SULF2: variants seen among roughly 807,000 people sequenced by gnomAD.
SULF2 encodes the protein sulfatase 2.
SULF2 carries 52 observed loss-of-function variants against 107.7 expected under a neutral mutation model. The ratio of observed to expected loss-of-function variants is 0.48; its 90% confidence interval spans 0.39 to 0.61. SULF2 has a LOEUF of 0.61. SULF2 is among the 20% of genes least tolerant of loss of function. The pLI is 0.00. For missense variants in SULF2, 993 were observed against 1,177.3 expected (o/e 0.84, Z 2.29); for synonymous variants, 460 against 464.3 (o/e 0.99, Z 0.12).
At chr20:47,697,409 G>T (rs1285549143) in intron 4 of SULF2, among the ~76,000 whole-genome samples, 1 of 152,168 alleles carries the variant, frequency 6.6e-6, no homozygotes. Flanking sequence ...TCCCAACAAG[G>T]CCCGCCCGAG....
intron 1 of SULF2, among the ~76,000 whole-genome samples, chr20:47,775,356 ACCAGCAAGAGCTGCCAG>A (rs1390591137): frequency 6.6e-6 from 1 of 152,220 alleles, no homozygotes; most frequent in Non-Finnish European, 1.5e-5. Flanking sequence ...CCATCTGGTG[ACCAGCAAGAGCTGCCAG>A]CCATTTGAAT....
At chr20:47,754,753 A>G (rs1461318549) in intron 2 of SULF2, among the ~76,000 whole-genome samples, 1 of 152,216 alleles carries the variant, frequency 6.6e-6, no homozygotes, top group Non-Finnish European at 1.5e-5. Flanking sequence ...CACGCTACCA[A>G]TCTGAAAACA....
At position 47,674,940 on chromosome 20, in the gene SULF2, C is replaced by T. The variant is rs139117232; in HGVS notation, c.1380+1554G>A. Among the ~76,000 whole-genome samples, 447 of 152,254 alleles carry T rather than the reference C, an allele frequency of 2.9e-3. 3 individuals carry two copies. The highest frequency in any genetic ancestry group is 0.011 in the African/African-American group (440 of 41,564). On this transcript the variant is annotated intron_variant, in intron 10 of 20. Transcript: ENST00000688720. ...AAAGCTCCGGGGCTGGGTCGGGGGC[C>T]GTGGGTTGCTGCCTCCCAGCTGGCC...
chr20:47,670,203 T>C (rs1230710945), intron 11 of SULF2, among the ~76,000 whole-genome samples: 1 of 152,116 alleles, frequency 6.6e-6, no homozygotes, highest in Non-Finnish European at 1.5e-5. Context: ...GGAGACTTTT[T>C]GTTTTTTTTG....
At chr20:47,698,826 G>T (rs558576868) in intron 4 of SULF2, among the ~76,000 whole-genome samples, 4 of 152,226 alleles carry the variant, frequency 2.6e-5, no homozygotes, top group African/African-American at 2.4e-5. Flanking sequence ...GAGATTGGGA[G>T]TTCGAGACCA....
chr20:47,702,952 G>A (rs1184899742), intron 3 of SULF2, among the ~76,000 whole-genome samples: 2 of 152,204 alleles, frequency 1.3e-5, no homozygotes. Context: ...GTCTTGCTCT[G>A]TTACCCAGGC....
chr20:47,715,142 G>A (rs1444735157), intron 3 of SULF2, among the ~76,000 whole-genome samples: 1 of 147,300 alleles, frequency 6.8e-6, no homozygotes, highest in Admixed American at 6.9e-5. Context: ...ATGTTGCCCA[G>A]GCTGGTCTCA....
chr20:47,704,663 C>T (rs35048177), intron 3 of SULF2, among the ~76,000 whole-genome samples: 1,761 of 152,330 alleles, frequency 0.012, 12 homozygotes, highest in Non-Finnish European at 0.018. Context: ...CTATTCTAGT[C>T]GTCTCTTTCT....
At chr20:47,757,014 C>T (rs187174642) in intron 2 of SULF2, among the ~76,000 whole-genome samples, 175 bp downstream of exon 2, 1 of 152,218 alleles carries the variant, frequency 6.6e-6, no homozygotes, top group South Asian at 2.1e-4. Context: ...AGACCCCTAA[C>T]CTTGAGGACC....
At chr20:47,775,838 A>T (rs2090714927) in intron 1 of SULF2, among the ~76,000 whole-genome samples, 1 of 152,206 alleles carries the variant, frequency 6.6e-6, no homozygotes, top group South Asian at 2.1e-4. Flanking sequence ...GGCAAAAAGT[A>T]ATCAATAGAT....
At chr20:47,744,039 G>C (rs934270891) in intron 2 of SULF2, among the ~76,000 whole-genome samples, 2 of 152,200 alleles carry the variant, frequency 1.3e-5, no homozygotes, top group Non-Finnish European at 2.9e-5. Context: ...TAAATGAAGA[G>C]TAAACATTCT....
rs1202070923 is a variant in SULF2 at position 47,676,498 on chromosome 20, C to G, written c.1376G>C (p.Gly459Ala). 2.5e-6 allele frequency: 4 copies of G among 1,608,116 alleles called. No homozygotes were observed. The African/African-American group carries it at 4.0e-5, about 16-fold the overall frequency. Residue 459 changes from glycine to alanine, a missense_variant, in exon 10 of 21, where the codon GGA (glycine) becomes GCA (alanine). Transcript: ENST00000688720. Reference protein sequence around the residue: ...AEYQTACEQLGQKWQCVEDAT... With the variant: ...AEYQTACEQLAQKWQCVEDAT... ...GAGGGAAGGGAGCCTTCTTACCTGT[C>G]CCAGCTGCTCACACGCCGTCTGGTA... is the stretch of plus-strand genomic sequence containing the variant.
At chr20:47,725,728 G>T (rs1281447543) in intron 3 of SULF2, among the ~76,000 whole-genome samples, 3 of 152,178 alleles carry the variant, frequency 2.0e-5, no homozygotes, top group Admixed American at 2.0e-4. Context: ...TCCCCACCCA[G>T]CCTGCCTCTC....
chr20:47,786,615 C>T (rs1344888583), upstream of SULF2: 1 of 152,074 alleles, frequency 6.6e-6, no homozygotes, highest in Non-Finnish European at 1.5e-5. Flanking sequence ...CAGAAATGGC[C>T]CGGGAGTAGC....
At chr20:47,701,454 A>G (rs1017566413) in intron 4 of SULF2, among the ~76,000 whole-genome samples, 5 of 152,246 alleles carry the variant, frequency 3.3e-5, no homozygotes, top group Non-Finnish European at 5.9e-5. Flanking sequence ...ATGTCAATTC[A>G]TCTTATGTTA....
At chr20:47,699,523 G>A (rs1445426090) in intron 4 of SULF2, among the ~76,000 whole-genome samples, 1 of 150,974 alleles carries the variant, frequency 6.6e-6, no homozygotes, top group African/African-American at 2.4e-5. Context: ...AGATTTGGGA[G>A]TTGAGGCTCT....
chr20:47,702,981 T>C (rs2088620735), intron 3 of SULF2, among the ~76,000 whole-genome samples: 1 of 152,226 alleles, frequency 6.6e-6, no homozygotes, highest in South Asian at 2.1e-4. Context: ...AATGGTACGA[T>C]CTTGGCTCAT....
chr20:47,661,680 T>C, intron 18 of SULF2, 93 bp downstream of exon 18: 1 of 1,297,782 alleles, frequency 7.7e-7, no homozygotes, highest in East Asian at 2.7e-5. Flanking sequence ...GCCTGGTGAT[T>C]TCAGGCTCAT....
intron 11 of SULF2, among the ~76,000 whole-genome samples, chr20:47,667,120 A>T (rs2087301611): frequency 6.6e-6 from 1 of 152,192 alleles, no homozygotes; most frequent in Non-Finnish European, 1.5e-5. Context: ...AAAAATGGTG[A>T]GTTTGATGTT....
Sources: gnomAD v4.1 joint callset for allele counts (sites outside exome capture counted in the v4.1 genomes callset) on GRCh38, gnomAD v4.1.1 for gene constraint, MANE v1.5 for transcripts, NCBI Gene and HGNC (gene_info 2026-07-23, HGNC 2026-07-21) for gene names.